The following SLC2A13 variants were observed in gnomAD, a reference collection of about 807,000 sequenced individuals.
The protein encoded by SLC2A13 is proton myo-inositol cotransporter.
Under a neutral mutation model 64.4 loss-of-function variants are expected in SLC2A13, and 32 were observed. The observed-to-expected ratio is 0.50, with a 90% CI of 0.37 to 0.67. The LOEUF (loss-of-function observed/expected upper bound fraction) is 0.67. Among genes scored for constraint, SLC2A13 ranks in the 30% least tolerant of loss-of-function variants. SLC2A13 has a pLI of 0.00. For missense variants in SLC2A13, 743 were observed against 829.2 expected, an observed-to-expected ratio of 0.90 and a Z score of 1.28; for synonymous variants, 338 against 327.1, an observed-to-expected ratio of 1.03 and a Z score of -0.36.
chr12:39,857,004 G>A (rs904032063), intron 6 of SLC2A13, among the ~76,000 whole-genome samples: 11 of 152,104 alleles, frequency 7.2e-5, no homozygotes, highest in Admixed American at 5.9e-4. Flanking sequence ...ATTTGTTTAT[G>A]CAGATGCTAT....
intron 7 of SLC2A13, among the ~76,000 whole-genome samples, chr12:39,816,957 A>C (rs1209099419): frequency 1.3e-5 from 2 of 152,102 alleles, no homozygotes; most frequent in Non-Finnish European, 2.9e-5. Context: ...ATTTCCTTTT[A>C]TCTTGGGCAA....
At chr12:39,962,104 G>T (rs944517859) in intron 3 of SLC2A13, among the ~76,000 whole-genome samples, 3 of 151,970 alleles carry the variant, frequency 2.0e-5, no homozygotes, top group African/African-American at 7.3e-5. Context: ...AACCACCTTC[G>T]CATTCCTGAG....
At chr12:40,074,349 T>C (rs1938084338) in intron 1 of SLC2A13, among the ~76,000 whole-genome samples, 2 of 151,980 alleles carry the variant, frequency 1.3e-5, no homozygotes, top group South Asian at 4.2e-4. Flanking sequence ...AAACTTTTTG[T>C]AGAGATGCAG....
chr12:40,009,236 C>T (rs1030630564), intron 3 of SLC2A13, among the ~76,000 whole-genome samples: 11 of 152,072 alleles, frequency 7.2e-5, no homozygotes, highest in African/African-American at 2.7e-4. Context: ...CCTGTTCTAA[C>T]CCTCCAAAGG....
chr12:39,760,490 TG>T (rs1940094863), intron 9 of SLC2A13, among the ~76,000 whole-genome samples: 1 of 152,024 alleles, frequency 6.6e-6, no homozygotes, highest in Non-Finnish European at 1.5e-5. Flanking sequence ...CAGGCTCAGA[TG>T]TAAGTTTGGC....
At chr12:39,839,757 G>A (rs1321177468) in intron 6 of SLC2A13, among the ~76,000 whole-genome samples, 1 of 151,880 alleles carries the variant, frequency 6.6e-6, no homozygotes, top group Non-Finnish European at 1.5e-5. Flanking sequence ...CCAATACACT[G>A]AGCCCCCATG....
chr12:39,796,968 T>C (rs1017113144), intron 7 of SLC2A13, among the ~76,000 whole-genome samples: 3 of 152,214 alleles, frequency 2.0e-5, no homozygotes, highest in African/African-American at 4.8e-5. Flanking sequence ...AATATCCTAT[T>C]AGAAAAATAA....
At chr12:39,978,470 C>T (rs1001831282) in intron 3 of SLC2A13, among the ~76,000 whole-genome samples, 3 of 150,792 alleles carry the variant, frequency 2.0e-5, no homozygotes, top group Non-Finnish European at 4.5e-5. Context: ...GTGCGCGCAC[C>T]GTGCGCGAGC....
chr12:40,078,810 A>C (rs1411383780), intron 1 of SLC2A13, among the ~76,000 whole-genome samples: 2 of 152,126 alleles, frequency 1.3e-5, no homozygotes, highest in African/African-American at 4.8e-5. Flanking sequence ...CAATTTCAGA[A>C]CTCATTATTG....
intron 7 of SLC2A13, chr12:39,819,665 T>C (rs1358216644): frequency 1.3e-5 from 2 of 152,236 alleles, no homozygotes; most frequent in Non-Finnish European, 2.9e-5. Context: ...AATTTTGAAG[T>C]ATGCGTGTGT....
chr12:39,785,092 T>G (rs1294269492), intron 7 of SLC2A13, among the ~76,000 whole-genome samples: 2 of 152,164 alleles, frequency 1.3e-5, no homozygotes, highest in African/African-American at 4.8e-5. Context: ...GAAATTTGCA[T>G]AAGTAGCAAG....
chr12:39,945,903 A>AT (rs1161154515), intron 4 of SLC2A13, among the ~76,000 whole-genome samples: 5 of 137,692 alleles, frequency 3.6e-5, no homozygotes, highest in East Asian at 5.9e-4. Context: ...AATTAGCGTG[A>AT]TTTTTTGTGG....
intron 4 of SLC2A13, among the ~76,000 whole-genome samples, chr12:39,935,091 A>G (rs1463086670): frequency 6.6e-6 from 1 of 152,204 alleles, no homozygotes; most frequent in Non-Finnish European, 1.5e-5. Context: ...CAGTGTTGAA[A>G]TCCAAATTAA....
chr12:39,923,700 A>G (rs899204243), intron 4 of SLC2A13, among the ~76,000 whole-genome samples: 3 of 149,128 alleles, frequency 2.0e-5, no homozygotes, highest in Admixed American at 6.6e-5. Flanking sequence ...GCACGCGCAC[A>G]CACACACACA....
chr12:39,799,864 T>A (rs1566804108), intron 7 of SLC2A13, among the ~76,000 whole-genome samples: 1 of 152,186 alleles, frequency 6.6e-6, no homozygotes, highest in South Asian at 2.1e-4. Context: ...TTGGTAGAAC[T>A]TTCAGATGAT....
At chr12:39,909,009 A>C (rs1346038337) in intron 4 of SLC2A13, among the ~76,000 whole-genome samples, 1 of 151,922 alleles carries the variant, frequency 6.6e-6, no homozygotes, top group Admixed American at 6.6e-5. Flanking sequence ...TTTTTACTTG[A>C]TTATATTTAA....
rs79037760 is a variant in SLC2A13 at position 40,047,880 on chromosome 12, A to G, written c.716+171T>C. ...ATGGTAGGTTCCTTGTCTATCATCAAAATAAATATCAGCTTCCTGTCCACT... is the reference window on the plus strand; with the variant it reads ...ATGGTAGGTTCCTTGTCTATCATCAGAATAAATATCAGCTTCCTGTCCACT... On this transcript the variant is annotated intron_variant, in intron 2 of 9. Transcript: ENST00000280871. Among the ~76,000 whole-genome samples, 1,152 of 152,326 alleles carry G rather than the reference A, an allele frequency of 7.6e-3. 14 individuals carry two copies. The highest frequency in any genetic ancestry group is 0.026 in the African/African-American group (1,090 of 41,572).
chr12:39,819,539 T>A (rs1047008804), intron 7 of SLC2A13, among the ~76,000 whole-genome samples: 1 of 152,174 alleles, frequency 6.6e-6, no homozygotes, highest in Non-Finnish European at 1.5e-5. Context: ...AATTTACACA[T>A]TCTACAATAA....
At chr12:39,883,222 A>T (rs1024945831) in intron 4 of SLC2A13, among the ~76,000 whole-genome samples, 7 of 152,068 alleles carry the variant, frequency 4.6e-5, no homozygotes, top group East Asian at 1.9e-4. Context: ...AATTTTTTTT[A>T]AAAAAGTCCC....
Sources: allele counts gnomAD v4.1 joint callset (sites outside exome capture counted in the v4.1 genomes callset), GRCh38; gene constraint gnomAD v4.1.1; transcripts MANE v1.5; gene names NCBI Gene and HGNC (gene_info 2026-07-23, HGNC 2026-07-21).